Variants in NRG2 observed in about 807,000 individuals in gnomAD.
The protein encoded by NRG2 is neuregulin 2, also known as pro-neuregulin-2, membrane-bound isoform.
Under a neutral mutation model 73.9 loss-of-function variants are expected in NRG2, and 27 were observed. The ratio of observed to expected loss-of-function variants is 0.37; its 90% confidence interval spans 0.27 to 0.50. The LOEUF (loss-of-function observed/expected upper bound fraction) is 0.50, where lower values mean the gene tolerates loss of function less well. Ranked by LOEUF, NRG2 falls within the 20% of genes least tolerant of loss-of-function variation. The pLI is 0.96. For missense variants in NRG2, 1,126 were observed against 1,210.1 expected (o/e 0.93, Z 1.03); for synonymous variants, 532 against 541.0 (o/e 0.98, Z 0.23).
chr5:139,893,497 C>G (rs953177728), intron 1 of NRG2, among the ~76,000 whole-genome samples: 1 of 152,222 alleles, frequency 6.6e-6, no homozygotes, highest in East Asian at 1.9e-4. Flanking sequence ...TCCCAGCACT[C>G]TGCACCCATG....
At chr5:139,939,023 C>CAAGG (rs1753153569) in intron 1 of NRG2, among the ~76,000 whole-genome samples, 1 of 144,420 alleles carries the variant, frequency 6.9e-6, no homozygotes, top group Non-Finnish European at 1.5e-5. Flanking sequence ...AGGAAGGAAG[C>CAAGG]AAGGAAAGAA....
Position 139,848,194 on chromosome 5 carries a change from G to A in NRG2, c.2276C>T (p.Ala759Val), listed in dbSNP as rs1387846958. The change falls in exon 10 of 10, where the codon GCG (alanine) becomes GTG (valine). Residue 759 changes from alanine to valine, a missense_variant. Transcript: ENST00000361474. ...NGLAAQRARA[A>V]RDSLSLSSGS... The stretch of plus-strand genomic sequence containing the variant: ...GCTGCTCAGCGACAGCGAGTCCCTC[G>A]CCGCCCGTGCGCGCTGCGCCGCCAG... The A allele has an allele frequency of 1.6e-5, 22 of 1,341,720 alleles. No individual in the cohort carries two copies. The highest frequency in any genetic ancestry group is 3.1e-5 in the African/African-American group (2 of 64,488). The allele number at this position is 1,341,720 out of a possible 1,614,324, so 83.1% of individuals were successfully genotyped here.
intron 1 of NRG2, among the ~76,000 whole-genome samples, chr5:139,932,421 T>TAA (rs35539824): frequency 2.0e-5 from 3 of 151,004 alleles, no homozygotes; most frequent in African/African-American, 4.9e-5. Context: ...TTTTTTTTTT[T>TAA]AAAAAAAGCT....
intron 1 of NRG2, among the ~76,000 whole-genome samples, chr5:140,004,703 G>A (rs1181681543): frequency 6.6e-6 from 1 of 152,196 alleles, no homozygotes; most frequent in African/African-American, 2.4e-5. Flanking sequence ...CAAATTAGAA[G>A]AGACAAAGGA....
intron 1 of NRG2, among the ~76,000 whole-genome samples, chr5:139,943,228 C>A (rs1286565977): frequency 2.6e-5 from 4 of 152,138 alleles, no homozygotes; most frequent in Non-Finnish European, 5.9e-5. Context: ...CTCACTGCAA[C>A]CTCTGCCTCC....
intron 1 of NRG2, among the ~76,000 whole-genome samples, chr5:139,947,976 T>G (rs1753919499): frequency 6.6e-6 from 1 of 152,196 alleles, no homozygotes. Context: ...ACCAAGTACA[T>G]GAACATTGTT....
At chr5:140,011,720 AC>A (rs1341542179) in intron 1 of NRG2, among the ~76,000 whole-genome samples, 3 of 152,196 alleles carry the variant, frequency 2.0e-5, no homozygotes, top group African/African-American at 7.2e-5. Context: ...CCTGGCTGAC[AC>A]CTTATTTGTA....
chr5:139,951,165 G>C (rs1310781270), intron 1 of NRG2, among the ~76,000 whole-genome samples: 2 of 152,212 alleles, frequency 1.3e-5, no homozygotes, highest in Non-Finnish European at 2.9e-5. Context: ...TGCAGACTGA[G>C]AAGGTACACA....
chr5:139,993,135 G>A (rs1757764153), intron 1 of NRG2, among the ~76,000 whole-genome samples: 1 of 151,820 alleles, frequency 6.6e-6, no homozygotes, highest in Non-Finnish European at 1.5e-5. Flanking sequence ...GTGGGGAGGG[G>A]GAGGTTCTCT....
rs1160817726 is a variant in NRG2, at chr5:139,894,064, G to A, written c.701-6553C>T. Among the ~76,000 whole-genome samples the A allele has an allele frequency of 6.6e-6, 1 of 151,680 alleles. No homozygotes were observed. The highest frequency in any genetic ancestry group is 1.5e-5 in the Non-Finnish European group (1 of 68,026). ...CACATCCCAGCCCTGAGACCAGGGG[G>A]TGCCGCTGCTGCCAGCAGCTTAACC... On this transcript the variant is annotated intron_variant, in intron 1 of 9. Coordinates refer to ENST00000361474, the MANE Select transcript of NRG2 (RefSeq NM_004883.3). The surrounding 1 kb of genome is among the most constrained non-coding windows in gnomAD (Gnocchi z 5.0).
At chr5:140,012,933 T>C (rs770864569) in intron 1 of NRG2, among the ~76,000 whole-genome samples, 3 of 152,322 alleles carry the variant, frequency 2.0e-5, no homozygotes, top group Non-Finnish European at 4.4e-5. Flanking sequence ...GGTCTCACTT[T>C]AAATTCATAT....
At chr5:139,928,044 TCA>T (rs1752193916) in intron 1 of NRG2, among the ~76,000 whole-genome samples, 1 of 152,124 alleles carries the variant, frequency 6.6e-6, no homozygotes, top group South Asian at 2.1e-4. Context: ...ATCCCAATCC[TCA>T]CACAATCACC....
At chr5:140,022,306 G>A (rs265149) in intron 1 of NRG2, among the ~76,000 whole-genome samples, 31,843 of 151,962 alleles carry the variant, frequency 0.21, 3,456 homozygotes, top group Admixed American at 0.25. Context: ...ATCTCCTCCT[G>A]GAAGTCTTTT....
At chr5:139,933,790 A>G (rs1398237723) in intron 1 of NRG2, among the ~76,000 whole-genome samples, 1 of 152,226 alleles carries the variant, frequency 6.6e-6, no homozygotes, top group Non-Finnish European at 1.5e-5. Context: ...CAAAATGCAT[A>G]TTCAAGAACA....
At chr5:139,950,912 A>G (rs1463320583) in intron 1 of NRG2, among the ~76,000 whole-genome samples, 1 of 152,214 alleles carries the variant, frequency 6.6e-6, no homozygotes, top group Non-Finnish European at 1.5e-5. Flanking sequence ...CATCGTGACT[A>G]CTAGCCCAGT....
intron 1 of NRG2, among the ~76,000 whole-genome samples, chr5:139,952,648 C>T (rs771331953): frequency 6.6e-6 from 1 of 152,202 alleles, no homozygotes; most frequent in African/African-American, 2.4e-5. Context: ...AGCCTGCTCG[C>T]CCTACCACGG....
chr5:139,967,215 C>T (rs1000489084), intron 1 of NRG2, among the ~76,000 whole-genome samples: 1 of 152,244 alleles, frequency 6.6e-6, no homozygotes, highest in Non-Finnish European at 1.5e-5. Context: ...TTAGAGTCAA[C>T]CTCATGCCTA....
At chr5:139,923,615 T>A (rs1751840840) in intron 1 of NRG2, among the ~76,000 whole-genome samples, 1 of 152,174 alleles carries the variant, frequency 6.6e-6, no homozygotes, top group South Asian at 2.1e-4. Context: ...AGCTCTCATG[T>A]CCTATACCTG....
At chr5:139,982,871 C>A (rs1580871733) in intron 1 of NRG2, among the ~76,000 whole-genome samples, 1 of 152,168 alleles carries the variant, frequency 6.6e-6, no homozygotes, top group South Asian at 2.1e-4. Flanking sequence ...AATTTTATGA[C>A]TTGCCTCCAT....
Sources: allele counts gnomAD v4.1 joint callset (sites outside exome capture counted in the v4.1 genomes callset), GRCh38; gene constraint gnomAD v4.1.1; non-coding constraint Gnocchi (gnomAD v3.1); transcripts MANE v1.5; gene names NCBI Gene and HGNC (gene_info 2026-07-23, HGNC 2026-07-21).